Variants in UXS1 observed in about 807,000 individuals in gnomAD.
UXS1 encodes UDP-glucuronic acid decarboxylase 1.
In UXS1, 33 loss-of-function variants were observed where a neutral mutation model predicts 62.6. That is an observed-to-expected ratio of 0.53 (90% CI 0.40 to 0.70). UXS1 has a LOEUF of 0.70. UXS1 is among the 30% of genes least tolerant of loss of function. The probability of loss-of-function intolerance (pLI) is 0.00; values close to 1 mark genes in which losing one functional copy is unlikely to be tolerated. For missense variants in UXS1, 434 were observed against 556.3 expected, an observed-to-expected ratio of 0.78 and a Z score of 2.21; for synonymous variants, 213 against 206.8, an observed-to-expected ratio of 1.03 and a Z score of -0.26.
In UXS1 at chr2:106,093,963, A is replaced by T. The variant is rs1318068674; in HGVS notation, c.*63T>A. On this transcript the variant is annotated 3_prime_UTR_variant, in exon 15 of 15. Transcript: ENST00000283148. ...AGTCTTTCTTTAAACGACAACAAAA[A>T]AAAGCCAAAAATACATCCCATCAAG... 6.7e-7 allele frequency: 1 copy of T among 1,481,730 alleles called. No homozygotes were observed. The highest frequency in any genetic ancestry group is 1.5e-5 in the African/African-American group (1 of 68,668). The allele number at this position is 1,481,730 out of a possible 1,614,324, so 91.8% of individuals were successfully genotyped here.
intron 1 of UXS1, among the ~76,000 whole-genome samples, chr2:106,169,952 G>A (rs1032286069): frequency 2.0e-5 from 3 of 152,140 alleles, no homozygotes; most frequent in African/African-American, 7.2e-5. Flanking sequence ...AAATGGATAA[G>A]AATGGATGTA....
At chr2:106,119,857 T>C (rs11681404) in intron 9 of UXS1, among the ~76,000 whole-genome samples, 38,274 of 152,158 alleles carry the variant, frequency 0.25, 5,195 homozygotes, top group Non-Finnish European at 0.31. Context: ...CTTTATATAG[T>C]GGTGTTTGTT....
intron 1 of UXS1, among the ~76,000 whole-genome samples, chr2:106,193,699 G>T (rs1192266411): frequency 1.3e-5 from 2 of 152,208 alleles, no homozygotes; most frequent in African/African-American, 4.8e-5. Context: ...TCGGAGCGGG[G>T]GCTCTGCCAA....
chr2:106,153,531 C>CAAAT (rs528870625), intron 5 of UXS1, among the ~76,000 whole-genome samples: 170 of 151,806 alleles, frequency 1.1e-3, no homozygotes, highest in African/African-American at 4.0e-3. Context: ...AGTCACTAAA[C>CAAAT]AAATAAATAA....
chr2:106,170,656 C>T (rs1007784557), intron 1 of UXS1, among the ~76,000 whole-genome samples: 1 of 152,190 alleles, frequency 6.6e-6, no homozygotes, highest in African/African-American at 2.4e-5. Context: ...CCAGCCCAGA[C>T]CAAAGAACAG....
At chr2:106,108,993 C>T (rs951040176) in intron 10 of UXS1, among the ~76,000 whole-genome samples, 4 of 152,118 alleles carry the variant, frequency 2.6e-5, no homozygotes, top group Admixed American at 2.0e-4. Context: ...CCCCCCATAT[C>T]CCCTAGAGTG....
At chr2:106,104,258 C>T (rs1005376812) in intron 11 of UXS1, among the ~76,000 whole-genome samples, 3 of 152,180 alleles carry the variant, frequency 2.0e-5, no homozygotes, top group Non-Finnish European at 4.4e-5. Flanking sequence ...CGGAATGGAA[C>T]AACAGAACAG....
chr2:106,144,950 G>C (rs977505814), intron 6 of UXS1, among the ~76,000 whole-genome samples: 1 of 152,120 alleles, frequency 6.6e-6, no homozygotes, highest in Non-Finnish European at 1.5e-5. Context: ...ACTTCAACAG[G>C]TCCATGAAGT....
chr2:106,168,547 C>A (rs189961955), intron 1 of UXS1, among the ~76,000 whole-genome samples: 2,652 of 152,286 alleles, frequency 0.017, 32 homozygotes, highest in Admixed American at 0.033. Context: ...GATCCAAGAA[C>A]CCTCTCTTGG....
At chr2:106,129,194 C>T (rs1335236929) in intron 7 of UXS1, among the ~76,000 whole-genome samples, 1 of 152,204 alleles carries the variant, frequency 6.6e-6, no homozygotes, top group Non-Finnish European at 1.5e-5. Context: ...CTTGATAACA[C>T]CCCATACAGA....
chr2:106,184,737 G>T (rs1275704225), intron 1 of UXS1, among the ~76,000 whole-genome samples: 2 of 152,158 alleles, frequency 1.3e-5, no homozygotes, highest in African/African-American at 4.8e-5. Context: ...TCACTTCAAG[G>T]ATTAGGTTCC....
At chr2:106,156,506 T>C (rs1682435981) in intron 5 of UXS1, among the ~76,000 whole-genome samples, 1 of 152,194 alleles carries the variant, frequency 6.6e-6, no homozygotes, top group Admixed American at 6.5e-5. Flanking sequence ...AGTCACCCTA[T>C]GACACATATA....
intron 1 of UXS1, among the ~76,000 whole-genome samples, chr2:106,189,114 G>A (rs1252238151): frequency 2.0e-5 from 3 of 152,256 alleles, no homozygotes; most frequent in African/African-American, 4.8e-5. Flanking sequence ...AGTAGTCCCA[G>A]AAAGAGATGA....
intron 4 of UXS1, 86 bp from the exon 5 acceptor site, chr2:106,158,204 G>C: frequency 8.4e-7 from 1 of 1,185,844 alleles, no homozygotes; most frequent in South Asian, 1.3e-5. Flanking sequence ...CATGTGCCAG[G>C]TTTTGGGACT....
At chr2:106,097,254 C>A (rs1346096646) in intron 13 of UXS1, 1 of 455,102 alleles carries the variant, frequency 2.2e-6, no homozygotes, top group Non-Finnish European at 4.4e-6. Context: ...CCTGGGTGCT[C>A]GGAGCCTAGA....
chr2:106,186,555 C>CA (rs908133604), intron 1 of UXS1, among the ~76,000 whole-genome samples: 29 of 148,628 alleles, frequency 2.0e-4, no homozygotes, highest in African/African-American at 4.0e-4. Flanking sequence ...ATCAAACAAA[C>CA]AAAAAAAAAT....
At chr2:106,118,117 C>T (rs1362024981) in intron 9 of UXS1, among the ~76,000 whole-genome samples, 3 of 152,170 alleles carry the variant, frequency 2.0e-5, no homozygotes, top group African/African-American at 7.2e-5. Context: ...CAGTGAGTCA[C>T]AGGGCCAGGA....
At chr2:106,119,771 C>T (rs549230013) in intron 9 of UXS1, among the ~76,000 whole-genome samples, 2 of 152,314 alleles carry the variant, frequency 1.3e-5, no homozygotes, top group African/African-American at 4.8e-5. Context: ...CCCACCCTTG[C>T]TGCCAGCTGT....
Position 106,125,601 on chromosome 2 carries a change from G to C in UXS1, c.637+19C>G, listed in dbSNP as rs1326470563. The C allele has an allele frequency of 6.4e-7, 1 of 1,555,634 alleles. No individual in the cohort carries two copies. The highest frequency in any genetic ancestry group is 8.7e-7 in the Non-Finnish European group (1 of 1,150,502). ...CCAAGGGCTGGAGTGAACATCTCCT[G>C]AGAGAGCCTCCTACTCACCTCCATA... On this transcript the variant is annotated intron_variant, in intron 8 of 14. Coordinates refer to ENST00000283148, the MANE Select transcript of UXS1 (RefSeq NM_001253875.2).
Sources: gnomAD v4.1 joint callset for allele counts (sites outside exome capture counted in the v4.1 genomes callset) on GRCh38, gnomAD v4.1.1 for gene constraint, MANE v1.5 for transcripts, NCBI Gene and HGNC (gene_info 2026-07-23, HGNC 2026-07-21) for gene names.